The following GABRB2 variants were observed in gnomAD, a reference collection of about 807,000 sequenced individuals.
The protein encoded by GABRB2 is gamma-aminobutyric acid type A receptor subunit beta2.
Under a neutral mutation model 54.7 loss-of-function variants are expected in GABRB2, and 16 were observed. That is an observed-to-expected ratio of 0.29 (90% CI 0.20 to 0.44). The LOEUF (loss-of-function observed/expected upper bound fraction) is 0.44, where lower values mean the gene tolerates loss of function less well. Ranked by LOEUF, GABRB2 falls within the 20% of genes least tolerant of loss-of-function variation. GABRB2 has a pLI of 1.00. For missense variants in GABRB2, 355 were observed against 644.0 expected (o/e 0.55, Z 4.86); for synonymous variants, 244 against 233.8 (o/e 1.04, Z -0.40).
At chr5:161,358,711 T>A (rs1410111216) in intron 5 of GABRB2, among the ~76,000 whole-genome samples, 2 of 152,138 alleles carry the variant, frequency 1.3e-5, no homozygotes, top group South Asian at 4.1e-4. Flanking sequence ...AGTGCTCTTA[T>A]ATGATGATTC....
chr5:161,520,962 T>C (rs1012714474), intron 3 of GABRB2, among the ~76,000 whole-genome samples: 31 of 152,048 alleles, frequency 2.0e-4, no homozygotes, highest in African/African-American at 4.6e-4. Context: ...ATAATACTTA[T>C]TGATTTTTAT....
intron 3 of GABRB2, among the ~76,000 whole-genome samples, chr5:161,497,167 A>C (rs927630008): frequency 6.6e-6 from 1 of 152,142 alleles, no homozygotes; most frequent in Admixed American, 6.6e-5. Context: ...GCTTTAGATC[A>C]AGAATATATT....
intron 4 of GABRB2, among the ~76,000 whole-genome samples, chr5:161,422,777 T>G (rs1218245003): frequency 6.6e-6 from 1 of 152,190 alleles, no homozygotes; most frequent in Admixed American, 6.5e-5. Flanking sequence ...CATGGGATAC[T>G]AACATTCCAT....
chr5:161,326,977 A>G, intron 8 of GABRB2: 2 of 984,134 alleles, frequency 2.0e-6, no homozygotes, highest in Non-Finnish European at 2.4e-6. Flanking sequence ...AAGTAAGGGG[A>G]GTTGAAACTT....
chr5:161,336,910 T>C (rs1754011932), intron 5 of GABRB2, 141 bp from the exon 6 acceptor site: 3 of 883,134 alleles, frequency 3.4e-6, no homozygotes, highest in Non-Finnish European at 5.0e-6. Context: ...GTTATGTGTT[T>C]GGTATCATAC....
chr5:161,296,674 AT>A (rs1475777197), intron 9 of GABRB2, among the ~76,000 whole-genome samples: 1 of 151,638 alleles, frequency 6.6e-6, no homozygotes, highest in Non-Finnish European at 1.5e-5. Flanking sequence ...TAAAAAAAAA[AT>A]GATTGAACAT....
intron 3 of GABRB2, among the ~76,000 whole-genome samples, chr5:161,536,532 A>G (rs1193139932): frequency 2.0e-5 from 3 of 152,186 alleles, no homozygotes; most frequent in Non-Finnish European, 4.4e-5. Flanking sequence ...GTAAGTCTTC[A>G]GGCAAGCCTT....
chr5:161,442,885 A>AG (rs1757507809), intron 4 of GABRB2, among the ~76,000 whole-genome samples: 1 of 152,212 alleles, frequency 6.6e-6, no homozygotes. Context: ...CTCTTGATTC[A>AG]GTTGGTCCCC....
intron 4 of GABRB2, among the ~76,000 whole-genome samples, chr5:161,429,287 A>G (rs577006276): frequency 1.5e-5 from 2 of 137,228 alleles, no homozygotes; most frequent in South Asian, 2.5e-4. Flanking sequence ...CAGAAGTTGC[A>G]GTGAGCTGAG....
Position 161,294,322 on chromosome 5 carries a change from G to A in GABRB2, c.1298C>T (p.Ala433Val), listed in dbSNP as rs769164805. The change falls in exon 10 of 10, where the codon GCC becomes GTC. Residue 433 changes from alanine to valine, a missense_variant. By Grantham distance (64) the Ala-to-Val change is moderately conservative. Transcript: ENST00000393959. ...GLGDPRSTMLAYDASSIQYRK... is the reference protein window; with the variant it reads ...GLGDPRSTMLVYDASSIQYRK... ...ATACTGGATGCTGGAGGCATCATAGGCTAGCATTGTGCTTCTGGGGTCTCC... is the reference window on the plus strand; with the variant it reads ...ATACTGGATGCTGGAGGCATCATAGACTAGCATTGTGCTTCTGGGGTCTCC... 1.2e-6 allele frequency: 2 copies of A among 1,614,114 alleles called. No homozygotes were observed. Among genetic ancestry groups the A allele is most frequent in the East Asian group, 4.5e-5 (2 of 44,872 alleles).
intron 3 of GABRB2, among the ~76,000 whole-genome samples, chr5:161,490,579 A>G (rs12153421): frequency 0.19 from 28,331 of 151,668 alleles, 3,386 homozygotes; most frequent in Non-Finnish European, 0.27. Context: ...ATAAGCATCC[A>G]GAATCATTAC....
chr5:161,463,544 AATATTTTTATTT>A (rs1366308428), intron 3 of GABRB2, among the ~76,000 whole-genome samples: 3 of 45,254 alleles, frequency 6.6e-5, no homozygotes, highest in Non-Finnish European at 4.8e-5. Context: ...GGTGATTCCA[AATATTTTTATTT>A]ATATATATAT....
intron 3 of GABRB2, among the ~76,000 whole-genome samples, chr5:161,479,430 G>A (rs988656007): frequency 2.6e-5 from 4 of 151,882 alleles, no homozygotes; most frequent in African/African-American, 7.3e-5. Context: ...TCCTTCCTGC[G>A]TGATATATAG....
At chr5:161,546,858 C>T (rs1761004463), upstream of GABRB2, 7 of 976,314 alleles carry the variant, frequency 7.2e-6, no homozygotes, top group South Asian at 1.3e-4. Context: ...ATGTATAATA[C>T]ATACATATTT....
In GABRB2 at chr5:161,425,226, G is replaced by T. The variant is rs184569092; in HGVS notation, c.459-14169C>A. 1.2e-4 allele frequency among the ~76,000 whole-genome samples: 18 copies of T among 152,246 alleles called. No homozygotes were observed. In the East Asian group the frequency reaches 3.3e-3, roughly 28 times the overall value. On this transcript the variant is annotated intron_variant, in intron 4 of 9. Transcript: ENST00000393959. ...GATAAAACAGCAGCATGGTTTGAAGGATTGACTCCAATTTTGAAAGAAGTT... is the reference window on the plus strand; with the variant it reads ...GATAAAACAGCAGCATGGTTTGAAGTATTGACTCCAATTTTGAAAGAAGTT...
intron 5 of GABRB2, among the ~76,000 whole-genome samples, chr5:161,346,459 T>C (rs138665020): frequency 6.6e-6 from 1 of 152,244 alleles, no homozygotes; most frequent in East Asian, 1.9e-4. Context: ...AAATGTGCAA[T>C]AAAGTGTCAA....
intron 3 of GABRB2, among the ~76,000 whole-genome samples, chr5:161,535,522 T>C (rs1760605502): frequency 6.6e-6 from 1 of 152,190 alleles, no homozygotes; most frequent in African/African-American, 2.4e-5. Flanking sequence ...ATGGCTTTGC[T>C]ACATTTTAAA....
At chr5:161,461,375 C>T (rs376561868) in intron 3 of GABRB2, among the ~76,000 whole-genome samples, 46 of 152,256 alleles carry the variant, frequency 3.0e-4, no homozygotes, top group South Asian at 8.3e-4. Flanking sequence ...GTGAGCATTG[C>T]TCTTGGGGTC....
Position 161,334,768 on chromosome 5 carries a change from A to T in GABRB2, c.816T>A (p.Ala272=), listed in dbSNP as rs766814600. 2.5e-6 allele frequency: 4 copies of T among 1,613,990 alleles called. No individual in the cohort carries two copies. The South Asian group carries it at 4.4e-5, about 18-fold the overall frequency. ...VSFWINYDAS[A]ARVALGITTV... Reference sequence around the variant, plus strand: ...ATGGCCTACCTAATGCCACCCTTGCAGCTGAAGCATCGTAATTAATCCAGA... The same window carrying T: ...ATGGCCTACCTAATGCCACCCTTGCTGCTGAAGCATCGTAATTAATCCAGA... The change falls in exon 7 of 10, where the codon GCT becomes GCA. Residue 272 remains alanine (A), a synonymous_variant. Coordinates refer to ENST00000393959, the MANE Select transcript of GABRB2 (RefSeq NM_001371727.1).
Sources: gnomAD v4.1 joint callset for allele counts (sites outside exome capture counted in the v4.1 genomes callset) on GRCh38, gnomAD v4.1.1 for gene constraint, MANE v1.5 for transcripts, NCBI Gene and HGNC (gene_info 2026-07-23, HGNC 2026-07-21) for gene names.